Variants in ALDH18A1 observed in about 807,000 individuals in gnomAD.
ALDH18A1 encodes the protein delta-1-pyrroline-5-carboxylate synthase.
In ALDH18A1, 44 loss-of-function variants were observed where a neutral mutation model predicts 88.8. That is an observed-to-expected ratio of 0.50 (90% CI 0.39 to 0.64). The LOEUF (loss-of-function observed/expected upper bound fraction) is 0.64, where lower values mean the gene tolerates loss of function less well. Among genes scored for constraint, ALDH18A1 ranks in the 30% least tolerant of loss-of-function variants. The pLI is 0.00. For missense variants in ALDH18A1, 782 were observed against 1,009.5 expected (o/e 0.77, Z 3.05); for synonymous variants, 331 against 372.1 (o/e 0.89, Z 1.27).
intron 3 of ALDH18A1, 87 bp from the exon 4 acceptor site, chr10:95,637,523 C>G (rs551803450): frequency 4.7e-6 from 7 of 1,500,084 alleles, no homozygotes; most frequent in South Asian, 2.3e-5. Context: ...GGTGGGCTAT[C>G]GAGTAGATCC....
rs146849876 is a variant in ALDH18A1, at chr10:95,647,013, T to G, written c.89-3807A>C. Among the ~76,000 whole-genome samples, 983 of 152,308 alleles carry G rather than the reference T, an allele frequency of 6.5e-3. 5 individuals are homozygous for G. Among genetic ancestry groups the G allele is most frequent in the African/African-American group, 0.022 (917 of 41,564 alleles). ...TTTTCTCTCTGGCCTTCCATTGCCTTCTCTGTTTATCTCCACAAGCGTTCT... is the reference window on the plus strand; with the variant it reads ...TTTTCTCTCTGGCCTTCCATTGCCTGCTCTGTTTATCTCCACAAGCGTTCT... On this transcript the variant is annotated intron_variant, in intron 2 of 17. Coordinates refer to ENST00000371224, the MANE Select transcript of ALDH18A1 (RefSeq NM_002860.4).
chr10:95,627,127 G>C (rs2097861527), intron 9 of ALDH18A1, among the ~76,000 whole-genome samples: 2 of 152,074 alleles, frequency 1.3e-5, no homozygotes, highest in Admixed American at 1.3e-4. Context: ...GAACACTCGA[G>C]AGCACATACT....
At chr10:95,640,181 T>C (rs759588198) in intron 3 of ALDH18A1, among the ~76,000 whole-genome samples, 1 of 152,156 alleles carries the variant, frequency 6.6e-6, no homozygotes, top group South Asian at 2.1e-4. Flanking sequence ...AGTTTGTCTA[T>C]GAAAAGCAGG....
intron 6 of ALDH18A1, 35 bp from the exon 7 acceptor site, chr10:95,633,084 G>C (rs761612176): frequency 6.4e-7 from 1 of 1,558,082 alleles, no homozygotes; most frequent in East Asian, 2.2e-5. Flanking sequence ...AAGTGAGTGA[G>C]CTAAGCAGTC....
rs1047715712 is a variant in ALDH18A1, at chr10:95,606,822, C to G, written c.2328G>C (p.Glu776Asp). 6.2e-7 allele frequency: 1 copy of G among 1,614,208 alleles called. No homozygotes were observed. The change falls in exon 18 of 18, where the codon GAG (glutamate) becomes GAC (aspartate). Residue 776 changes from glutamate (E) to aspartate (D), a missense_variant. Transcript: ENST00000371224. ...GKDHVVSDFS[E>D]HGSLKYLHEN... is the part of the protein sequence containing the mutation. ...CATGAAGATATTTTAAACTTCCATG[C>G]TCTGAGAAATCTGAGACCACGTGGT...
chr10:95,629,040 A>C (rs2097864356), intron 7 of ALDH18A1, among the ~76,000 whole-genome samples: 1 of 152,068 alleles, frequency 6.6e-6, no homozygotes, highest in African/African-American at 2.4e-5. Context: ...AGAGTGCGTG[A>C]CTCTTGGCAT....
intron 17 of ALDH18A1, 35 bp downstream of exon 17, chr10:95,610,162 G>A: frequency 6.2e-7 from 1 of 1,601,948 alleles, no homozygotes; most frequent in Non-Finnish European, 8.6e-7. Flanking sequence ...TGCTTCACAA[G>A]GAACTTCTTT....
chr10:95,640,092 ATTCC>A (rs1193345433), intron 3 of ALDH18A1, among the ~76,000 whole-genome samples: 6 of 152,166 alleles, frequency 3.9e-5, no homozygotes, highest in Admixed American at 1.3e-4. Context: ...TAACTCAATG[ATTCC>A]TTCGTCATTT....
At chr10:95,625,600 A>G in intron 10 of ALDH18A1, 145 bp from the exon 11 acceptor site, 1 of 690,850 alleles carries the variant, frequency 1.4e-6, no homozygotes. Flanking sequence ...CTGACTTCCC[A>G]TCACTTATTC....
intron 6 of ALDH18A1, 38 bp downstream of exon 6, chr10:95,633,453 T>C: frequency 1.2e-6 from 2 of 1,611,812 alleles, no homozygotes; most frequent in Non-Finnish European, 1.7e-6. Context: ...GGTGTTAGTG[T>C]CTCCAGCATG....
At chr10:95,652,925 GCCT>G (rs1566051833) in intron 2 of ALDH18A1, among the ~76,000 whole-genome samples, 105 of 151,776 alleles carry the variant, frequency 6.9e-4, no homozygotes, top group African/African-American at 2.3e-3. Context: ...GATGGCTCAC[GCCT>G]GTAATCCCAG....
chr10:95,622,573 T>G (rs2097854452), intron 11 of ALDH18A1, among the ~76,000 whole-genome samples: 1 of 152,226 alleles, frequency 6.6e-6, no homozygotes, highest in Non-Finnish European at 1.5e-5. Context: ...AGTCTCGCTC[T>G]GTCGCCCAGG....
intron 2 of ALDH18A1, among the ~76,000 whole-genome samples, chr10:95,644,849 T>C (rs2097898474): frequency 6.6e-6 from 1 of 152,196 alleles, no homozygotes. Flanking sequence ...CATTCATTCA[T>C]TTTGGACTAG....
At chr10:95,629,147 A>C (rs191901832) in intron 7 of ALDH18A1, among the ~76,000 whole-genome samples, 1 of 152,346 alleles carries the variant, frequency 6.6e-6, no homozygotes, top group Admixed American at 6.5e-5. Context: ...ATACAATCCA[A>C]GATGAAAAAC....
At chr10:95,630,960 C>T (rs2097868182) in intron 7 of ALDH18A1, among the ~76,000 whole-genome samples, 1 of 152,158 alleles carries the variant, frequency 6.6e-6, no homozygotes, top group South Asian at 2.1e-4. Context: ...CTAGGTAGTC[C>T]CTGCCCTTAC....
At chr10:95,633,356 C>T in intron 6 of ALDH18A1, 135 bp downstream of exon 6, 2 of 1,115,878 alleles carry the variant, frequency 1.8e-6, no homozygotes, top group Non-Finnish European at 2.6e-6. Context: ...AGAGCTTATG[C>T]AGTCACTGCT....
At chr10:95,622,832 C>G (rs192053953) in intron 11 of ALDH18A1, among the ~76,000 whole-genome samples, 13 of 152,014 alleles carry the variant, frequency 8.6e-5, no homozygotes, top group African/African-American at 3.1e-4. Flanking sequence ...ACACCGCACC[C>G]GGCCCAGAAT....
rs187591541 is a variant in ALDH18A1, at chr10:95,643,105, G to A, written c.190C>T (p.Arg64Cys). 12 of 1,614,212 alleles carry A rather than the reference G, an allele frequency of 7.4e-6. No homozygotes were observed. In the Admixed American group the frequency reaches 1.2e-4, roughly 16 times the overall value. ...SRTHGKSFAH[R>C]SELKHAKRIV... is the part of the protein sequence containing the mutation. ...CTCTTGGCATGCTTCAGCTCACTGC[G>A]GTGGGCGAAGGACTTGCCATGTGTA... The change falls in exon 3 of 18, where the codon CGC (arginine) becomes TGC (cysteine). Residue 64 changes from arginine (R) to cysteine (C), a missense_variant. By Grantham distance (180) the Arg-to-Cys change is radical. This residue lies in a region of ALDH18A1 where 94 missense variants were observed against 99.5 expected (regional missense o/e 0.94). Coordinates refer to ENST00000371224, the MANE Select transcript of ALDH18A1 (RefSeq NM_002860.4).
At chr10:95,621,461 A>G (rs2097852491) in intron 11 of ALDH18A1, among the ~76,000 whole-genome samples, 1 of 151,822 alleles carries the variant, frequency 6.6e-6, no homozygotes, top group East Asian at 1.9e-4. Context: ...CTGGGACTAC[A>G]GGCATGCACC....
Sources: gnomAD v4.1 joint callset for allele counts (sites outside exome capture counted in the v4.1 genomes callset) on GRCh38, gnomAD v4.1.1 for gene constraint, gnomAD v4.1.1 regional missense constraint, MANE v1.5 for transcripts, NCBI Gene and HGNC (gene_info 2026-07-23, HGNC 2026-07-21) for gene names.